Variants in TRDN observed in about 807,000 individuals in gnomAD.
TRDN encodes triadin.
TRDN carries 161 observed loss-of-function variants against 149.7 expected under a neutral mutation model. The observed-to-expected ratio is 1.08, with a 90% CI of 0.95 to 1.23. The LOEUF (loss-of-function observed/expected upper bound fraction) is 1.23. Among genes scored for constraint, TRDN ranks in the 50% most tolerant of loss-of-function variants. The pLI, the probability that TRDN is intolerant of heterozygous loss-of-function variation, is 0.00. For missense variants in TRDN, 896 were observed against 823.5 expected, an observed-to-expected ratio of 1.09 and a Z score of -1.08; for synonymous variants, 294 against 250.5, an observed-to-expected ratio of 1.17 and a Z score of -1.64.
At chr6:123,489,638 T>C (rs1778124979) in intron 9 of TRDN, 1 of 152,178 alleles carries the variant, frequency 6.6e-6, no homozygotes, top group Non-Finnish European at 1.5e-5. Flanking sequence ...CATGATCTTT[T>C]TTTTCTTATA....
intron 12 of TRDN, chr6:123,411,750 T>C (rs1028022613): frequency 1.3e-5 from 2 of 152,302 alleles, no homozygotes; most frequent in African/African-American, 4.8e-5. Context: ...TTTGCACAAC[T>C]GGTTTCTGAA....
chr6:123,349,505 AG>A (rs1780374222), intron 21 of TRDN: 1 of 896,790 alleles, frequency 1.1e-6, no homozygotes, highest in African/African-American at 1.8e-5. Context: ...ACATTTATTG[AG>A]GGTCAACAGC....
chr6:123,605,353 G>A (rs1784482172), intron 1 of TRDN, among the ~76,000 whole-genome samples: 1 of 150,276 alleles, frequency 6.7e-6, no homozygotes, highest in Admixed American at 6.7e-5. Flanking sequence ...CTAGGGCTAG[G>A]CAAAACTCCT....
Position 123,442,399 on chromosome 6 carries a change from A to T in TRDN, c.932-3396T>A, listed in dbSNP as rs923786947. On this transcript the variant is annotated intron_variant, in intron 10 of 40. Transcript: ENST00000334268. ...TCTACTAAAAATACAAAAAAAAATT[A>T]GCCGGGCGTGATGGTGGGCGCCTGT... 2 of 140,850 alleles carry T rather than the reference A, an allele frequency of 1.4e-5. 1 individual carries two copies. The highest frequency in any genetic ancestry group is 1.4e-4 in the Admixed American group (2 of 14,408). 8.7% of individuals were successfully genotyped at this position (140,850 alleles called of 1,614,324 possible).
intron 2 of TRDN, among the ~76,000 whole-genome samples, chr6:123,550,132 A>G (rs987131458): frequency 8.5e-5 from 13 of 152,090 alleles, no homozygotes; most frequent in African/African-American, 3.1e-4. Context: ...TCAGAATCCA[A>G]CGGAAGACAG....
intron 2 of TRDN, among the ~76,000 whole-genome samples, chr6:123,557,336 G>T (rs1027617351): frequency 1.3e-5 from 2 of 152,064 alleles, no homozygotes; most frequent in Non-Finnish European, 2.9e-5. Flanking sequence ...TCTTTGCTCT[G>T]TGACAAAGAT....
intron 2 of TRDN, among the ~76,000 whole-genome samples, chr6:123,569,916 C>G (rs1782476818): frequency 6.6e-6 from 1 of 152,218 alleles, no homozygotes; most frequent in African/African-American, 2.4e-5. Flanking sequence ...CAAACTATAT[C>G]ACACCTTTAT....
At chr6:123,282,535 T>C (rs780913940) in intron 24 of TRDN, among the ~76,000 whole-genome samples, 7 of 151,910 alleles carry the variant, frequency 4.6e-5, no homozygotes, top group Non-Finnish European at 1.0e-4. Context: ...ACTGTATAAC[T>C]ACATCTACAA....
intron 20 of TRDN, among the ~76,000 whole-genome samples, chr6:123,363,269 G>A (rs1326449889): frequency 6.6e-6 from 1 of 152,160 alleles, no homozygotes; most frequent in African/African-American, 2.4e-5. Context: ...AAGTATTGTG[G>A]AATTTGGGGA....
chr6:123,391,756 T>C (rs1772481233), intron 13 of TRDN, among the ~76,000 whole-genome samples: 1 of 152,152 alleles, frequency 6.6e-6, no homozygotes, highest in South Asian at 2.1e-4. Flanking sequence ...TAAAAATAAA[T>C]AAATGAACAG....
In TRDN at chr6:123,255,889, C is replaced by G; in HGVS notation, c.1884G>C (p.Met628Ile). The G allele has an allele frequency of 7.5e-7, 1 of 1,332,306 alleles. No individual in the cohort carries two copies. The highest frequency in any genetic ancestry group is 9.7e-7 in the Non-Finnish European group (1 of 1,025,754). 82.5% of individuals were successfully genotyped at this position (1,332,306 alleles called of 1,614,324 possible). The change falls in exon 36 of 41, where the codon ATG (methionine) becomes ATC (isoleucine). Residue 628 changes from methionine to isoleucine, a missense_variant. Physicochemically the swap from Met to Ile is conservative, Grantham distance 10. Coordinates refer to ENST00000334268, the MANE Select transcript of TRDN (RefSeq NM_006073.4). ...TACCTTTTTCTTCTCTAAGATGCTT[C>G]ATGTCTGCTTTTTCTGTATAGAAGA... ...SEKESKEKAD[M>I]KHLREEKVST...
At chr6:123,349,844 G>C (rs957848454) in intron 21 of TRDN, 1 of 985,252 alleles carries the variant, frequency 1.0e-6, no homozygotes, top group Non-Finnish European at 1.2e-6. Flanking sequence ...TAAGGTGGAT[G>C]AGGACAGTGA....
intron 2 of TRDN, among the ~76,000 whole-genome samples, chr6:123,568,344 C>T (rs1302117769): frequency 6.6e-6 from 1 of 152,174 alleles, no homozygotes; most frequent in African/African-American, 2.4e-5. Context: ...GTGGATCTAT[C>T]ATTTTGGGGT....
intron 37 of TRDN, among the ~76,000 whole-genome samples, chr6:123,253,650 C>G (rs1323585213): frequency 6.6e-6 from 1 of 152,078 alleles, no homozygotes; most frequent in Non-Finnish European, 1.5e-5. Context: ...TATGCCTGCT[C>G]TCAATTATCT....
intron 11 of TRDN, among the ~76,000 whole-genome samples, chr6:123,438,485 T>A (rs951871582): frequency 6.6e-6 from 1 of 152,156 alleles, no homozygotes; most frequent in Non-Finnish European, 1.5e-5. Flanking sequence ...TGTCAAAAGT[T>A]CTGAAATCTC....
intron 22 of TRDN, among the ~76,000 whole-genome samples, chr6:123,335,896 G>A (rs1468124862): frequency 6.6e-6 from 1 of 151,908 alleles, no homozygotes; most frequent in Admixed American, 6.6e-5. Context: ...CTGATAGTAT[G>A]TTTTCATGAC....
chr6:123,454,865 C>T (rs915716699), intron 10 of TRDN, among the ~76,000 whole-genome samples: 10 of 152,128 alleles, frequency 6.6e-5, no homozygotes, highest in African/African-American at 9.7e-5. Flanking sequence ...CCCCTGTCCC[C>T]GGGAAAATTG....
chr6:123,317,148 T>C (rs893697567), intron 23 of TRDN, among the ~76,000 whole-genome samples: 1 of 151,824 alleles, frequency 6.6e-6, no homozygotes, highest in Non-Finnish European at 1.5e-5. Flanking sequence ...ATTCAAGTAA[T>C]ACTCATAGCA....
rs1039884873 is a variant in TRDN at position 123,288,741 on chromosome 6, A to C, written c.1511-9659T>G. 5.6e-4 allele frequency among the ~76,000 whole-genome samples: 85 copies of C among 152,140 alleles called. 1 individual carries two copies. Among genetic ancestry groups the C allele is most frequent in the Non-Finnish European group, 2.5e-4 (17 of 68,018 alleles). On this transcript the variant is annotated intron_variant, in intron 24 of 40. Transcript: ENST00000334268. ...AGATGAATGATAAGTGTTGATGAGA[A>C]TGAGGAGAAAAGGAATCCCTTGTAC...
Sources: gnomAD v4.1 joint callset for allele counts (sites outside exome capture counted in the v4.1 genomes callset) on GRCh38, gnomAD v4.1.1 for gene constraint, MANE v1.5 for transcripts, NCBI Gene and HGNC (gene_info 2026-07-23, HGNC 2026-07-21) for gene names.